FAM107B: variants seen among roughly 807,000 people sequenced by gnomAD.
The protein encoded by FAM107B is protein FAM107B.
FAM107B carries 21 observed loss-of-function variants against 31.5 expected under a neutral mutation model. The observed-to-expected ratio is 0.67, with a 90% CI of 0.47 to 0.96. The LOEUF (loss-of-function observed/expected upper bound fraction) is 0.96. Ranked by LOEUF, FAM107B falls within the 40% of genes least tolerant of loss-of-function variation. The pLI is 0.00. For missense variants in FAM107B, 452 were observed against 377.1 expected, an observed-to-expected ratio of 1.20 and a Z score of -1.64; for synonymous variants, 157 against 141.5, an observed-to-expected ratio of 1.11 and a Z score of -0.78.
At chr10:14,587,109 C>A (rs373604469) in intron 2 of FAM107B, among the ~76,000 whole-genome samples, 1 of 152,130 alleles carries the variant, frequency 6.6e-6, no homozygotes, top group South Asian at 2.1e-4. Context: ...GTGCCAGGTG[C>A]TTTTCCTGCC....
At chr10:14,588,559 C>G (rs1187490574) in intron 2 of FAM107B, among the ~76,000 whole-genome samples, 1 of 152,134 alleles carries the variant, frequency 6.6e-6, no homozygotes, top group Non-Finnish European at 1.5e-5. Context: ...CCCGGAGGCA[C>G]CCACATCTGG....
intron 1 of FAM107B, among the ~76,000 whole-genome samples, chr10:14,671,001 T>C (rs1854526463): frequency 6.6e-6 from 1 of 152,224 alleles, no homozygotes; most frequent in Non-Finnish European, 1.5e-5. Context: ...AGACATCTGT[T>C]GATTTTGCTG....
At chr10:14,558,708 G>GC (rs1849932650) in intron 2 of FAM107B, among the ~76,000 whole-genome samples, 1 of 152,140 alleles carries the variant, frequency 6.6e-6, no homozygotes, top group Non-Finnish European at 1.5e-5. Context: ...GGGGAGTTGA[G>GC]CAGGGGCCTT....
In FAM107B at chr10:14,559,303, G is replaced by A. The variant is rs528451906; in HGVS notation, c.470-28788C>T. ...CCCCCACCTCCAGGACCAAGCGCGT[G>A]AGCCAGCCACCCACCTGCGCAGCCA... is the stretch of plus-strand genomic sequence containing the variant. On this transcript the variant is annotated intron_variant, in intron 2 of 4. Transcript: ENST00000181796. Among the ~76,000 whole-genome samples the A allele has an allele frequency of 4.8e-4, 73 of 152,276 alleles. 1 individual carries two copies. Among genetic ancestry groups the A allele is most frequent in the Non-Finnish European group, 7.9e-4 (54 of 68,014 alleles).
At chr10:14,682,331 C>G (rs1048775552) in intron 1 of FAM107B, among the ~76,000 whole-genome samples, 52 of 152,082 alleles carry the variant, frequency 3.4e-4, no homozygotes, top group Non-Finnish European at 2.1e-4. Context: ...GAGTTCAAGA[C>G]CAGCCTGGCC....
intron 3 of FAM107B, among the ~76,000 whole-genome samples, chr10:14,529,166 G>A (rs1298592456): frequency 6.6e-6 from 1 of 152,146 alleles, no homozygotes; most frequent in Non-Finnish European, 1.5e-5. Flanking sequence ...GTCTATTTTA[G>A]GAACTTGATA....
intron 2 of FAM107B, among the ~76,000 whole-genome samples, chr10:14,616,658 T>C (rs7076865): frequency 0.33 from 50,209 of 152,162 alleles, 8,771 homozygotes; most frequent in East Asian, 0.53. Flanking sequence ...CTCAGTGGCT[T>C]ATGCCTGTAA....
chr10:14,700,535 A>G (rs1321378678), intron 1 of FAM107B, among the ~76,000 whole-genome samples: 2 of 151,926 alleles, frequency 1.3e-5, no homozygotes, highest in East Asian at 1.9e-4. Context: ...AAAAAGATCA[A>G]TGTCCTGATG....
intron 2 of FAM107B, among the ~76,000 whole-genome samples, chr10:14,594,997 C>T (rs1482314419): frequency 6.6e-6 from 1 of 152,076 alleles, no homozygotes; most frequent in Admixed American, 6.6e-5. Flanking sequence ...CACTATGCTA[C>T]ATGAACAAAA....
chr10:14,539,500 AAGC>A (rs1027947574), intron 2 of FAM107B, among the ~76,000 whole-genome samples: 1 of 152,180 alleles, frequency 6.6e-6, no homozygotes, highest in African/African-American at 2.4e-5. Context: ...AAAAAAAACA[AAGC>A]AGTTCTCACA....
intron 2 of FAM107B, among the ~76,000 whole-genome samples, chr10:14,624,372 C>T (rs1299608074): frequency 6.6e-6 from 1 of 152,102 alleles, no homozygotes. Flanking sequence ...ATCAAAAGAA[C>T]TTGAGGGAGT....
rs541194975 is a variant in FAM107B at position 14,666,981 on chromosome 10, C to T, written c.469+653G>A. On this transcript the variant is annotated intron_variant, in intron 2 of 4. Transcript: ENST00000181796. The stretch of plus-strand genomic sequence containing the variant: ...CACGTCTGGAGCCATCTTCTAACAC[C>T]GAATCACATAAAACACCAAACTAAA... 4.5e-4 allele frequency among the ~76,000 whole-genome samples: 68 copies of T among 152,252 alleles called. No individual in the cohort carries two copies. The South Asian group carries it at 0.013, about 29-fold the overall frequency.
At chr10:14,749,322 C>T (rs867802117) in intron 1 of FAM107B, among the ~76,000 whole-genome samples, 5 of 152,234 alleles carry the variant, frequency 3.3e-5, no homozygotes, top group African/African-American at 4.8e-5. Context: ...GGGTGACTGC[C>T]GGATGGAAGG....
At chr10:14,583,027 C>T (rs1216931859) in intron 2 of FAM107B, among the ~76,000 whole-genome samples, 2 of 147,248 alleles carry the variant, frequency 1.4e-5, no homozygotes, top group African/African-American at 5.1e-5. Flanking sequence ...GTGGAGGCTG[C>T]AGTAAGCGGA....
chr10:14,661,359 T>TA (rs1308082823), intron 2 of FAM107B, among the ~76,000 whole-genome samples: 1 of 152,188 alleles, frequency 6.6e-6, no homozygotes, highest in Non-Finnish European at 1.5e-5. Flanking sequence ...GTTGAACATC[T>TA]AAATCAGTAA....
chr10:14,557,317 TA>T (rs1387031765), intron 2 of FAM107B, among the ~76,000 whole-genome samples: 1 of 152,270 alleles, frequency 6.6e-6, no homozygotes, highest in Non-Finnish European at 1.5e-5. Context: ...CTAGGAATTC[TA>T]AATGTTCAAT....
chr10:14,645,725 C>A (rs868331427), intron 2 of FAM107B, among the ~76,000 whole-genome samples: 1 of 152,172 alleles, frequency 6.6e-6, no homozygotes, highest in South Asian at 2.1e-4. Flanking sequence ...CCAATTTCAC[C>A]TAAGCTAGGA....
chr10:14,535,941 G>A (rs1395237476), intron 2 of FAM107B, among the ~76,000 whole-genome samples: 4 of 152,106 alleles, frequency 2.6e-5, no homozygotes, highest in Admixed American at 2.0e-4. Context: ...CCTTTCCAAA[G>A]TTCACTCCGG....
intron 2 of FAM107B, among the ~76,000 whole-genome samples, chr10:14,560,207 T>C (rs1850116309): frequency 6.6e-6 from 1 of 152,150 alleles, no homozygotes. Context: ...TGGCTTATTT[T>C]TTTTTTCATC....
Sources: allele counts gnomAD v4.1 joint callset (sites outside exome capture counted in the v4.1 genomes callset), GRCh38; gene constraint gnomAD v4.1.1; transcripts MANE v1.5; gene names NCBI Gene and HGNC (gene_info 2026-07-23, HGNC 2026-07-21).